MSN: variants seen among roughly 807,000 people sequenced by gnomAD.
The protein encoded by MSN is moesin.
A neutral mutation model predicts 48.0 loss-of-function variants in MSN; 2 were observed. The ratio of observed to expected loss-of-function variants is 0.04; its 90% CI spans 0.02 to 0.13. MSN has a LOEUF of 0.13. Among genes scored for constraint, MSN ranks in the 10% least tolerant of loss-of-function variants. The pLI, the probability that MSN is intolerant of heterozygous loss-of-function variation, is 1.00. For missense variants in MSN, 267 were observed against 470.1 expected (o/e 0.57, Z 3.99); for synonymous variants, 146 against 166.9 (o/e 0.87, Z 0.97).
At chrX:65,703,667 C>T (rs772464563) in intron 1 of MSN, among the ~76,000 whole-genome samples, 1 of 111,891 alleles carries the variant, frequency 8.9e-6, no homozygotes, top group African/African-American at 3.3e-5. Context: ...TTGAAGCAAG[C>T]GATTCTCATG....
At position 65,729,596 on chromosome X, in the gene MSN, C is replaced by G; in HGVS notation, c.351C>G (p.Cys117Trp). 1 of 1,211,834 alleles carries G rather than the reference C, an allele frequency of 8.3e-7. No individual in the cohort carries two copies. The highest frequency in any genetic ancestry group is 1.1e-6 in the Non-Finnish European group (1 of 895,575). The change falls in exon 4 of 13, where the codon TGC becomes TGG. Residue 117 changes from cysteine (C) to tryptophan (W), a missense_variant. Around this residue, in one of 5 missense-constraint regions of MSN, gnomAD observed 89 missense variants for 151.0 expected, o/e 0.59. Coordinates refer to ENST00000360270, the MANE Select transcript of MSN (RefSeq NM_002444.3). ...KEGILNDDIY[C>W]PPETAVLLAS... ...GCATTCTCAATGATGATATTTACTG[C>G]CCGCCTGAGACCGCTGTGCTGCTGG...
chrX:65,683,159 A>T (rs867618635), intron 1 of MSN, among the ~76,000 whole-genome samples: 18 of 111,796 alleles, frequency 1.6e-4, no homozygotes, highest in Middle Eastern at 4.6e-3. Context: ...TCAATTTTTA[A>T]TTTTTTTGTG....
intron 1 of MSN, among the ~76,000 whole-genome samples, chrX:65,652,118 C>T (rs1046464013): frequency 1.8e-5 from 2 of 109,381 alleles, no homozygotes; most frequent in Admixed American, 9.8e-5. Context: ...GAAGCAACCT[C>T]CCTAGGCCAG....
At chrX:65,736,352 G>C (rs1327444997) in intron 8 of MSN, among the ~76,000 whole-genome samples, 1 of 110,617 alleles carries the variant, frequency 9.0e-6, no homozygotes, top group African/African-American at 3.3e-5. Flanking sequence ...AGGTAAGGGA[G>C]GGTGGCCCAA....
At chrX:65,600,433 C>G (rs764432830) in intron 1 of MSN, among the ~76,000 whole-genome samples, 1 of 112,002 alleles carries the variant, frequency 8.9e-6, no homozygotes, top group South Asian at 3.7e-4. Context: ...CTTCATGCAT[C>G]TTAAAGTGCA....
chrX:65,694,275 C>T (rs1205087453), intron 1 of MSN, among the ~76,000 whole-genome samples: 2 of 110,712 alleles, frequency 1.8e-5, no homozygotes, highest in Non-Finnish European at 3.8e-5. Flanking sequence ...ATTTTAGAAC[C>T]CTGAAGTCTG....
chrX:65,712,266 C>G (rs1160675678), intron 1 of MSN, among the ~76,000 whole-genome samples: 1 of 111,398 alleles, frequency 9.0e-6, no homozygotes, highest in African/African-American at 3.3e-5. Context: ...ATTGTCAATC[C>G]TAAAATAGAT....
intron 1 of MSN, among the ~76,000 whole-genome samples, chrX:65,635,315 T>C (rs2070590509): frequency 9.0e-6 from 1 of 111,212 alleles, no homozygotes; most frequent in Non-Finnish European, 1.9e-5. Context: ...TCTTTGTCTG[T>C]CTCATTTTCT....
chrX:65,599,281 G>A (rs1040084004), intron 1 of MSN, among the ~76,000 whole-genome samples: 4 of 109,283 alleles, frequency 3.7e-5, no homozygotes, highest in Admixed American at 2.9e-4. Context: ...GGAAACAAGA[G>A]CAAAACTCCG....
chrX:65,638,104 A>G (rs1203791026), intron 1 of MSN, among the ~76,000 whole-genome samples: 1 of 112,495 alleles, frequency 8.9e-6, no homozygotes, highest in Non-Finnish European at 1.9e-5. Context: ...AAAATTCAAC[A>G]GGTGATAACC....
At chrX:65,658,194 T>C (rs1363501171) in intron 1 of MSN, among the ~76,000 whole-genome samples, 4 of 111,828 alleles carry the variant, frequency 3.6e-5, no homozygotes, top group Non-Finnish European at 5.6e-5. Flanking sequence ...TGAGAGGGTC[T>C]TTTTCCTTAG....
Position 65,717,108 on chromosome X carries a change from A to C in MSN, c.96+207A>C, listed in dbSNP as rs111400429. Reference sequence around the variant, plus strand: ...GCACCCTATGGTCCTGATTAATTTTATCTTTGGTCCTGAATAAGGGAGAAA... The same window carrying C: ...GCACCCTATGGTCCTGATTAATTTTCTCTTTGGTCCTGAATAAGGGAGAAA... On this transcript the variant is annotated intron_variant, in intron 2 of 12. Coordinates refer to ENST00000360270, the MANE Select transcript of MSN (RefSeq NM_002444.3). Among the ~76,000 whole-genome samples the C allele has an allele frequency of 7.3e-3, 816 of 111,843 alleles. 8 individuals are homozygous for C. Among genetic ancestry groups the C allele is most frequent in the African/African-American group, 0.024 (741 of 30,717 alleles).
chrX:65,588,556 T>G, exon 1 of MSN: 1 of 806,529 alleles, frequency 1.2e-6, no homozygotes, highest in Non-Finnish European at 1.5e-6. Flanking sequence ...GCCCCGCCGC[T>G]CAACCAGCCA....
At chrX:65,620,716 G>A (rs2070433857) in intron 1 of MSN, among the ~76,000 whole-genome samples, 1 of 111,327 alleles carries the variant, frequency 9.0e-6, no homozygotes, top group Admixed American at 9.5e-5. Context: ...CTCCTATTCG[G>A]CCATCTTGGC....
intron 1 of MSN, among the ~76,000 whole-genome samples, chrX:65,647,215 T>C (rs2070701261): frequency 9.5e-6 from 1 of 105,782 alleles, no homozygotes; most frequent in Admixed American, 1.0e-4. Context: ...TCTATCTCTT[T>C]TTTTTTTTTT....
At chrX:65,619,957 G>A (rs371838118) in intron 1 of MSN, among the ~76,000 whole-genome samples, 2 of 110,851 alleles carry the variant, frequency 1.8e-5, no homozygotes, top group East Asian at 2.8e-4. Flanking sequence ...GTCTGTTGGA[G>A]TACCCGGCCG....
intron 1 of MSN, among the ~76,000 whole-genome samples, chrX:65,652,042 GAAGT>G (rs1342115248): frequency 9.2e-6 from 1 of 108,510 alleles, no homozygotes; most frequent in African/African-American, 3.3e-5. Flanking sequence ...CTTGAGGCCA[GAAGT>G]TCAAGACCAG....
At chrX:65,596,845 C>G (rs1380979803) in intron 1 of MSN, among the ~76,000 whole-genome samples, 5 of 49 alleles carry the variant, frequency 0.1, no homozygotes, top group Admixed American at 0.38. Context: ...TGCCTGATGA[C>G]AGCTCCTCCC....
At chrX:65,630,418 T>G (rs941167063) in intron 1 of MSN, among the ~76,000 whole-genome samples, 1 of 109,700 alleles carries the variant, frequency 9.1e-6, no homozygotes, top group Non-Finnish European at 1.9e-5. Flanking sequence ...AAAAATAAAA[T>G]AAAACAAAAA....
Sources: gnomAD v4.1 joint callset for allele counts (sites outside exome capture counted in the v4.1 genomes callset) on GRCh38, gnomAD v4.1.1 for gene constraint, gnomAD v4.1.1 regional missense constraint, MANE v1.5 for transcripts, NCBI Gene and HGNC (gene_info 2026-07-23, HGNC 2026-07-21) for gene names.